PIH1D2: variants seen among roughly 807,000 people sequenced by gnomAD.
PIH1D2 encodes the protein PIH1 domain containing 2, also known as PIH1 domain-containing protein 2.
PIH1D2 carries 25 observed loss-of-function variants against 31.2 expected under a neutral mutation model. The observed-to-expected ratio is 0.80, with a 90% CI of 0.58 to 1.12. The LOEUF is 1.12. Ranked by LOEUF, PIH1D2 falls within the 50% of genes most tolerant of loss-of-function variation. The pLI, the probability that PIH1D2 is intolerant of heterozygous loss-of-function variation, is 0.00. For missense variants in PIH1D2, 310 were observed against 356.6 expected, an observed-to-expected ratio of 0.87 and a Z score of 1.05; for synonymous variants, 116 against 119.9, an observed-to-expected ratio of 0.97 and a Z score of 0.21.
the PIH1D2 span, among the ~76,000 whole-genome samples, chr11:112,055,619 C>A: frequency 6.6e-6 from 1 of 152,050 alleles, no homozygotes. Flanking sequence ...TGTTACTGAA[C>A]ATACCTTTCA....
intron 2 of PIH1D2, among the ~76,000 whole-genome samples, chr11:112,072,549 C>CA (rs148760956): frequency 0.78 from 28,454 of 36,342 alleles, 13,164 homozygotes; most frequent in Non-Finnish European, 0.91. Context: ...GACCCTATCT[C>CA]AAAAAAAAAA....
chr11:112,057,630 T>C, the PIH1D2 span, among the ~76,000 whole-genome samples: 23 of 152,300 alleles, frequency 1.5e-4, no homozygotes, highest in East Asian at 4.2e-3. Flanking sequence ...CTCTCTTCAA[T>C]TCTTTGAAGG....
chr11:112,052,829 CCCTT>C, the PIH1D2 span, among the ~76,000 whole-genome samples: 1 of 152,074 alleles, frequency 6.6e-6, no homozygotes, highest in Non-Finnish European at 1.5e-5. Context: ...GTCATTTTGA[CCCTT>C]CCAGTGACTG....
downstream of PIH1D2, chr11:112,061,051 C>T (rs148508750): frequency 8.1e-6 from 13 of 1,600,640 alleles, no homozygotes; most frequent in African/African-American, 1.3e-5. Flanking sequence ...GGCACTTTTA[C>T]GATCTCCAAT....
rs782678148 is a variant in PIH1D2, at chr11:112,070,629, T to C, written c.620A>G (p.Lys207Arg). The C allele has an allele frequency of 6.2e-7, 1 of 1,614,164 alleles. No homozygotes were observed. The highest frequency in any genetic ancestry group is 8.5e-7 in the Non-Finnish European group (1 of 1,180,026). ...PDHFPQLLLP[K>R]DQVSGKAVCL... is the part of the protein sequence containing the mutation. ...CACTGCTTTGCCTGAAACTTGGTCT[T>C]TTGGCAGTAACAGTTGAGGAAAGTG... is the stretch of plus-strand genomic sequence containing the variant. The change falls in exon 5 of 6, where the codon AAA becomes AGA. Residue 207 changes from lysine (K) to arginine (R), a missense_variant. Lys to Arg is a conservative substitution (Grantham distance 26, BLOSUM62 2). Coordinates refer to ENST00000280350, the MANE Select transcript of PIH1D2 (RefSeq NM_138789.4).
chr11:112,063,347 C>T (rs1277570032), downstream of PIH1D2: 3 of 152,360 alleles, frequency 2.0e-5, no homozygotes, highest in African/African-American at 7.2e-5. Context: ...CTAAGATTAA[C>T]TGGTAGTTCA....
chr11:112,061,882 CAG>C (rs1423233062), downstream of PIH1D2, among the ~76,000 whole-genome samples: 13 of 152,226 alleles, frequency 8.5e-5, no homozygotes, highest in African/African-American at 2.9e-4. Flanking sequence ...TGTGCCTGGC[CAG>C]AGTCTCAGTT....
At chr11:112,054,969 G>C in the PIH1D2 span, among the ~76,000 whole-genome samples, 1 of 152,066 alleles carries the variant, frequency 6.6e-6, no homozygotes, top group Non-Finnish European at 1.5e-5. Context: ...TGGATTTAGG[G>C]CCACTCAGAT....
intron 4 of PIH1D2, 71 bp from the exon 5 acceptor site, chr11:112,070,772 T>C: frequency 5.4e-6 from 8 of 1,484,990 alleles, no homozygotes; most frequent in Non-Finnish European, 7.3e-6. Flanking sequence ...AGCTATAATA[T>C]ATGTGGTGTT....
chr11:112,069,281 G>A (rs1404842137), intron 5 of PIH1D2, among the ~76,000 whole-genome samples: 1 of 152,022 alleles, frequency 6.6e-6, no homozygotes, highest in East Asian at 1.9e-4. Flanking sequence ...TAGGATTACA[G>A]GCATGAGTCA....
chr11:112,065,965 T>G (rs1184076051), downstream of PIH1D2, among the ~76,000 whole-genome samples: 1 of 151,832 alleles, frequency 6.6e-6, no homozygotes, highest in African/African-American at 2.4e-5. Context: ...GCCACTGCAC[T>G]CCAGCCTGGG....
At chr11:112,056,599 GT>G in the PIH1D2 span, among the ~76,000 whole-genome samples, 2 of 151,948 alleles carry the variant, frequency 1.3e-5, no homozygotes, top group African/African-American at 4.8e-5. Flanking sequence ...ATGTTTTCCA[GT>G]TTTTTGCTAT....
At chr11:112,064,983 G>A (rs1864868298), downstream of PIH1D2, among the ~76,000 whole-genome samples, 1 of 151,896 alleles carries the variant, frequency 6.6e-6, no homozygotes, top group Non-Finnish European at 1.5e-5. Flanking sequence ...TGAGATTACA[G>A]GTGCCTGCCA....
downstream of PIH1D2, among the ~76,000 whole-genome samples, chr11:112,060,270 C>T (rs1333283030): frequency 2.7e-5 from 4 of 149,730 alleles, no homozygotes; most frequent in African/African-American, 9.9e-5. Context: ...ACGCCATTCT[C>T]CTGCCTCAGC....
At chr11:112,065,136 C>A (rs1555183708), downstream of PIH1D2, among the ~76,000 whole-genome samples, 2 of 152,160 alleles carry the variant, frequency 1.3e-5, no homozygotes, top group Non-Finnish European at 2.9e-5. Flanking sequence ...CCACGCCCAG[C>A]CTCCAAATTT....
In PIH1D2 at chr11:112,067,932, A is replaced by T. The variant is rs782060064; in HGVS notation, c.887T>A (p.Met296Lys). Residue 296 changes from methionine to lysine, a missense_variant, in exon 6 of 6, where the codon ATG becomes AAG. Met to Lys is a moderately conservative substitution (Grantham distance 95). Coordinates refer to ENST00000280350, the MANE Select transcript of PIH1D2 (RefSeq NM_138789.4). Reference protein sequence around the residue: ...LNLPKLIDTEMTTAKFIKEKS... With the variant: ...LNLPKLIDTEKTTAKFIKEKS... Reference sequence around the variant, plus strand: ...TTCTTTGATAAATTTTGCTGTGGTCATTTCAGTATCAATAAGTTTTGGAAG... The same window carrying T: ...TTCTTTGATAAATTTTGCTGTGGTCTTTTCAGTATCAATAAGTTTTGGAAG... The T allele has an allele frequency of 1.9e-6, 3 of 1,610,090 alleles. No individual in the cohort carries two copies. In the South Asian group the frequency reaches 3.3e-5, roughly 18 times the overall value.
chr11:112,071,577 A>C, intron 3 of PIH1D2, 58 bp downstream of exon 3: 1 of 1,550,912 alleles, frequency 6.4e-7, no homozygotes, highest in Non-Finnish European at 8.9e-7. Flanking sequence ...CAACCAAGTA[A>C]GATCTTGTCC....
chr11:112,064,853 T>G (rs587708776), downstream of PIH1D2, among the ~76,000 whole-genome samples: 11 of 151,228 alleles, frequency 7.3e-5, 1 homozygote, highest in South Asian at 2.3e-3. Context: ...TTTTTTTTTT[T>G]TTTTTTTTTG....
chr11:112,058,573 TC>T (rs1197995185), downstream of PIH1D2, among the ~76,000 whole-genome samples: 1 of 115,518 alleles, frequency 8.7e-6, no homozygotes, highest in Non-Finnish European at 1.6e-5. Context: ...ACGGATAAAA[TC>T]CATGAATCCA....
Sources: allele counts gnomAD v4.1 joint callset (sites outside exome capture counted in the v4.1 genomes callset), GRCh38; gene constraint gnomAD v4.1.1; transcripts MANE v1.5; gene names NCBI Gene and HGNC (gene_info 2026-07-23, HGNC 2026-07-21).